Variants in DCDC2 observed in about 807,000 individuals in gnomAD.
DCDC2 encodes the protein doublecortin domain-containing protein 2.
A neutral mutation model predicts 50.2 loss-of-function variants in DCDC2; 40 were observed. That is an observed-to-expected ratio of 0.80 (90% confidence interval 0.62 to 1.04). DCDC2 has a LOEUF of 1.04. Among genes scored for constraint, DCDC2 ranks in the 50% least tolerant of loss-of-function variants. The pLI is 0.00. For missense variants in DCDC2, 570 were observed against 581.9 expected (o/e 0.98, Z 0.21); for synonymous variants, 234 against 210.6 (o/e 1.11, Z -0.96).
intron 8 of DCDC2, among the ~76,000 whole-genome samples, chr6:24,196,484 G>T (rs1761443997): frequency 6.6e-6 from 1 of 152,152 alleles, no homozygotes; most frequent in Non-Finnish European, 1.5e-5. Context: ...GAGGTGGCAT[G>T]ATCTCTGCTC....
intron 7 of DCDC2, among the ~76,000 whole-genome samples, chr6:24,236,233 A>C (rs1270008831): frequency 6.6e-6 from 1 of 152,202 alleles, no homozygotes; most frequent in Non-Finnish European, 1.5e-5. Flanking sequence ...GCACTGGTAC[A>C]AAAACAGACC....
chr6:24,221,448 A>G (rs1762116181), intron 7 of DCDC2, among the ~76,000 whole-genome samples: 1 of 152,196 alleles, frequency 6.6e-6, no homozygotes. Flanking sequence ...CCACCTCCCC[A>G]GAAGTCTTCC....
At chr6:24,302,169 C>T in intron 2 of DCDC2, 125 bp from the exon 3 acceptor site, 4 of 745,652 alleles carry the variant, frequency 5.4e-6, no homozygotes, top group Non-Finnish European at 8.5e-6. Context: ...TAAAACCTTG[C>T]TTTTCTCAGC....
intron 4 of DCDC2, among the ~76,000 whole-genome samples, chr6:24,293,598 C>T (rs946847812): frequency 5.9e-5 from 9 of 152,324 alleles, no homozygotes; most frequent in African/African-American, 2.2e-4. Flanking sequence ...AACTTCAACA[C>T]TCCACTGACA....
the DCDC2 span, among the ~76,000 whole-genome samples, chr6:24,380,470 A>G: frequency 6.6e-6 from 1 of 152,220 alleles, no homozygotes; most frequent in Non-Finnish European, 1.5e-5. Flanking sequence ...ATGTCTAAAC[A>G]TCAAAGTATC....
chr6:24,343,798 T>C (rs1309943980), intron 2 of DCDC2, among the ~76,000 whole-genome samples: 1 of 152,208 alleles, frequency 6.6e-6, no homozygotes, highest in African/African-American at 2.4e-5. Flanking sequence ...AGAAAATCTG[T>C]ATTGAGAATA....
chr6:24,342,115 T>G (rs1760168841), intron 2 of DCDC2, among the ~76,000 whole-genome samples: 1 of 152,232 alleles, frequency 6.6e-6, no homozygotes. Context: ...TGGGCTTTAC[T>G]TCCCTTATTC....
intron 7 of DCDC2, among the ~76,000 whole-genome samples, chr6:24,233,206 T>C (rs1052342273): frequency 1.4e-4 from 21 of 152,212 alleles, no homozygotes; most frequent in African/African-American, 5.1e-4. Context: ...AGAATAGTCC[T>C]ACTGGCTTCA....
At chr6:24,287,584 T>G (rs538034549) in intron 6 of DCDC2, among the ~76,000 whole-genome samples, 2 of 152,336 alleles carry the variant, frequency 1.3e-5, no homozygotes, top group East Asian at 1.9e-4. Context: ...TGGCATAGTG[T>G]TGAGCCCACA....
intron 8 of DCDC2, among the ~76,000 whole-genome samples, chr6:24,198,178 G>A (rs1221885697): frequency 6.6e-6 from 1 of 152,164 alleles, no homozygotes; most frequent in Non-Finnish European, 1.5e-5. Flanking sequence ...CTAAAGGCAA[G>A]AATATACTGG....
chr6:24,219,060 A>G (rs2113772870), intron 7 of DCDC2, among the ~76,000 whole-genome samples: 1 of 152,282 alleles, frequency 6.6e-6, no homozygotes, highest in Non-Finnish European at 1.5e-5. Flanking sequence ...TTATTGAACT[A>G]TAATTTTTAA....
rs79334952 is a variant in DCDC2 at position 24,206,319 on chromosome 6, A to G, written c.923-1217T>C. On this transcript the variant is annotated intron_variant, in intron 7 of 9. Transcript: ENST00000378454. ...ATAAGGTGAATGATGAGGAAGGGCA[A>G]TAGCAGAGTATTATGGAAGCTGAAA... is the stretch of plus-strand genomic sequence containing the variant. Among the ~76,000 whole-genome samples the G allele has an allele frequency of 9.6e-3, 1,465 of 152,274 alleles. 12 individuals are homozygous for G. The highest frequency in any genetic ancestry group is 0.019 in the African/African-American group (794 of 41,556).
intron 4 of DCDC2, among the ~76,000 whole-genome samples, chr6:24,294,798 T>A (rs1256879656): frequency 6.6e-6 from 1 of 151,994 alleles, no homozygotes; most frequent in East Asian, 1.9e-4. Context: ...AATAAACCAA[T>A]AACAAACTCT....
chr6:24,320,217 C>T (rs775921704), intron 2 of DCDC2, among the ~76,000 whole-genome samples: 1 of 152,134 alleles, frequency 6.6e-6, no homozygotes, highest in East Asian at 1.9e-4. Context: ...CCTACTATTA[C>T]AGAAAGAAGT....
chr6:24,302,204 C>T (rs1759391807), intron 2 of DCDC2, among the ~76,000 whole-genome samples, 160 bp from the exon 3 acceptor site: 2 of 150,364 alleles, frequency 1.3e-5, no homozygotes, highest in African/African-American at 4.9e-5. Flanking sequence ...TGAGCTCACC[C>T]TTTAGCAATA....
chr6:24,325,422 C>A (rs1319201450), intron 2 of DCDC2, among the ~76,000 whole-genome samples: 1 of 149,420 alleles, frequency 6.7e-6, no homozygotes, highest in Non-Finnish European at 1.5e-5. Context: ...GATCTTGGCT[C>A]CCACTGGCAA....
At chr6:24,362,374 G>GATACAATTATTTTTTAATTGTATA (rs1475532131), upstream of DCDC2, among the ~76,000 whole-genome samples, 1 of 88,676 alleles carries the variant, frequency 1.1e-5, no homozygotes, top group Non-Finnish European at 2.5e-5. Flanking sequence ...TTAATTGTAT[G>GATACAATTATTTTTTAATTGTATA]TTTATACAAT....
intron 2 of DCDC2, among the ~76,000 whole-genome samples, chr6:24,308,606 C>T (rs180678343): frequency 2.6e-5 from 4 of 151,740 alleles, no homozygotes; most frequent in Admixed American, 2.0e-4. Context: ...AAAGTCAAAC[C>T]CAGAGATGAT....
chr6:24,314,479 A>AAAAAAC (rs151094615), intron 2 of DCDC2, among the ~76,000 whole-genome samples: 18,248 of 151,716 alleles, frequency 0.12, 1,522 homozygotes, highest in African/African-American at 0.24. Flanking sequence ...GTTGTCTCAA[A>AAAAAAC]AAAAACAAAA....
Sources: gnomAD v4.1 joint callset for allele counts (sites outside exome capture counted in the v4.1 genomes callset) on GRCh38, gnomAD v4.1.1 for gene constraint, MANE v1.5 for transcripts, NCBI Gene and HGNC (gene_info 2026-07-23, HGNC 2026-07-21) for gene names.